Variants in PDE8B observed in about 807,000 individuals in gnomAD.
PDE8B encodes high affinity cAMP-specific and IBMX-insensitive 3',5'-cyclic phosphodiesterase 8B.
PDE8B carries 26 observed loss-of-function variants against 101.3 expected under a neutral mutation model. That is an observed-to-expected ratio of 0.26 (90% confidence interval 0.19 to 0.36). The LOEUF (loss-of-function observed/expected upper bound fraction) is 0.36, where lower values mean the gene tolerates loss of function less well. Among genes scored for constraint, PDE8B ranks in the 10% least tolerant of loss-of-function variants. The pLI, the probability that PDE8B is intolerant of heterozygous loss-of-function variation, is 1.00. For synonymous variants in PDE8B, 424 were observed against 429.3 expected (o/e 0.99, Z 0.15); for missense variants, 810 against 1,163.1 (o/e 0.70, Z 4.42).
chr5:77,407,061 A>G (rs897892953), intron 12 of PDE8B, among the ~76,000 whole-genome samples: 16 of 152,162 alleles, frequency 1.1e-4, no homozygotes, highest in Non-Finnish European at 2.1e-4. Context: ...CTTGGGGGAA[A>G]GTGAGCCGTG....
chr5:77,419,678 G>C, intron 18 of PDE8B, 89 bp from the exon 19 acceptor site: 1 of 1,464,478 alleles, frequency 6.8e-7, no homozygotes, highest in Non-Finnish European at 9.6e-7. Context: ...CTTCCTCCTA[G>C]GTTGTGAGGA....
Position 77,349,552 on chromosome 5 carries a change from A to G in PDE8B, c.1010A>G (p.Lys337Arg). ...GACACCATCAATACATGCATCAAGAAGGGAAAGGTGGGTTACACCAGCAAA... is the reference window on the plus strand; with the variant it reads ...GACACCATCAATACATGCATCAAGAGGGGAAAGGTGGGTTACACCAGCAAA... ...LLDTINTCIK[K>R]GKEWQGVYYA... is the part of the protein sequence containing the mutation. The change falls in exon 8 of 22, where the codon AAG becomes AGG. Residue 337 changes from lysine to arginine, a missense_variant. Around this residue, in one of 4 missense-constraint regions of PDE8B, gnomAD observed 251 missense variants for 378.8 expected, o/e 0.66. Coordinates refer to ENST00000264917, the MANE Select transcript of PDE8B (RefSeq NM_003719.5). The G allele has an allele frequency of 6.2e-7, 1 of 1,614,188 alleles. No homozygotes were observed. The highest frequency in any genetic ancestry group is 8.5e-7 in the Non-Finnish European group (1 of 1,180,018).
At chr5:77,406,961 C>G (rs967336868) in intron 12 of PDE8B, among the ~76,000 whole-genome samples, 8 of 152,182 alleles carry the variant, frequency 5.3e-5, no homozygotes, top group African/African-American at 1.2e-4. Flanking sequence ...GAACTGCCTC[C>G]CCTCTCAAGC....
the PDE8B span, among the ~76,000 whole-genome samples, chr5:77,160,431 A>G: frequency 6.6e-6 from 1 of 152,084 alleles, no homozygotes; most frequent in Non-Finnish European, 1.5e-5. Context: ...TTTTCAATCT[A>G]TGGTTGGAAA....
At chr5:77,370,786 G>A (rs1366347287) in intron 10 of PDE8B, among the ~76,000 whole-genome samples, 2 of 152,200 alleles carry the variant, frequency 1.3e-5, no homozygotes, top group Admixed American at 1.3e-4. Context: ...CAATGTATGA[G>A]GGATTCAGTT....
chr5:77,124,257 G>A, the PDE8B span, among the ~76,000 whole-genome samples: 1 of 152,146 alleles, frequency 6.6e-6, no homozygotes, highest in African/African-American at 2.4e-5. Context: ...AAACAACAGA[G>A]ACTATGGAAT....
intron 20 of PDE8B, among the ~76,000 whole-genome samples, chr5:77,424,097 A>G (rs949728053): frequency 3.9e-5 from 6 of 152,216 alleles, no homozygotes; most frequent in African/African-American, 1.4e-4. Flanking sequence ...AGAGAAGAAC[A>G]GGAAGGGAGT....
At chr5:77,240,536 A>T (rs777013262) in intron 1 of PDE8B, among the ~76,000 whole-genome samples, 1 of 152,240 alleles carries the variant, frequency 6.6e-6, no homozygotes, top group Non-Finnish European at 1.5e-5. Flanking sequence ...AAGAAAGTAG[A>T]AACCATAAGA....
chr5:77,149,708 C>G, the PDE8B span, among the ~76,000 whole-genome samples: 2 of 152,082 alleles, frequency 1.3e-5, no homozygotes, highest in Admixed American at 1.3e-4. Flanking sequence ...ATCTTAGATC[C>G]TGCAGCTTTG....
chr5:77,177,503 C>T, the PDE8B span, among the ~76,000 whole-genome samples: 332 of 152,320 alleles, frequency 2.2e-3, 1 homozygote, highest in African/African-American at 4.4e-3. Context: ...AATATCTTAG[C>T]GTACTGTAGG....
the PDE8B span, among the ~76,000 whole-genome samples, chr5:77,097,538 G>C: frequency 1.3e-5 from 2 of 150,380 alleles, no homozygotes; most frequent in Non-Finnish European, 3.0e-5. Flanking sequence ...TGTGGACACA[G>C]ACCCATAAAT....
chr5:77,286,651 C>T (rs111947417), intron 1 of PDE8B, among the ~76,000 whole-genome samples: 32 of 152,256 alleles, frequency 2.1e-4, no homozygotes, highest in Admixed American at 6.5e-4. Context: ...GGAATTTACT[C>T]GTTCTTACTG....
At chr5:77,247,748 G>A (rs1225623217) in intron 1 of PDE8B, among the ~76,000 whole-genome samples, 2 of 152,102 alleles carry the variant, frequency 1.3e-5, no homozygotes, top group African/African-American at 2.4e-5. Flanking sequence ...CTCCCTGAGG[G>A]CCAGTGTTCT....
At chr5:77,121,845 A>C in the PDE8B span, among the ~76,000 whole-genome samples, 1 of 152,170 alleles carries the variant, frequency 6.6e-6, no homozygotes, top group African/African-American at 2.4e-5. Flanking sequence ...AAAGAAGTTG[A>C]GAACATGTTT....
chr5:77,345,148 C>A lies in PDE8B; in HGVS notation c.876+217C>A, dbSNP rs1561557876. 3.3e-5 allele frequency among the ~76,000 whole-genome samples: 5 copies of A among 152,126 alleles called. No homozygotes were observed. The South Asian group carries it at 6.2e-4, about 19-fold the overall frequency. The stretch of plus-strand genomic sequence containing the variant: ...TACTTCAGATCAGAACCTGCAATTT[C>A]TTTGACAGAAATGGGGTTTAAAAAA... On this transcript the variant is annotated intron_variant, in intron 7 of 21. Coordinates refer to ENST00000264917, the MANE Select transcript of PDE8B (RefSeq NM_003719.5).
rs910753442 is a variant in PDE8B at position 77,318,453 on chromosome 5, C to T, written c.399+6400C>T. 2.0e-5 allele frequency among the ~76,000 whole-genome samples: 3 copies of T among 152,298 alleles called. No individual in the cohort carries two copies. In the South Asian group the frequency reaches 6.2e-4, roughly 32 times the overall value. On this transcript the variant is annotated intron_variant, in intron 2 of 21. Coordinates refer to ENST00000264917, the MANE Select transcript of PDE8B (RefSeq NM_003719.5). ...AAAGGCCCTGGGGTCAGGCCAGCCT[C>T]GGTTCACATCTTGCTGGCAGTGCAG...
At chr5:77,276,417 C>A (rs1244612507) in intron 1 of PDE8B, among the ~76,000 whole-genome samples, 1 of 152,216 alleles carries the variant, frequency 6.6e-6, no homozygotes, top group Non-Finnish European at 1.5e-5. Flanking sequence ...TTCCTATTAT[C>A]TGATTTATTT....
At chr5:77,150,681 C>T in the PDE8B span, among the ~76,000 whole-genome samples, 1 of 152,116 alleles carries the variant, frequency 6.6e-6, no homozygotes, top group Non-Finnish European at 1.5e-5. Flanking sequence ...CTTTAAATAC[C>T]TGCAAAGTAA....
At chr5:77,087,673 TTACTGTGG>T in the PDE8B span, 1 of 152,202 alleles carries the variant, frequency 6.6e-6, no homozygotes, top group African/African-American at 2.4e-5. Context: ...CTCAAGCGAA[TTACTGTGG>T]CTGCAGGGAG....
Sources: allele counts gnomAD v4.1 joint callset (sites outside exome capture counted in the v4.1 genomes callset), GRCh38; gene constraint gnomAD v4.1.1; regional missense constraint gnomAD v4.1.1; transcripts MANE v1.5; gene names NCBI Gene and HGNC (gene_info 2026-07-23, HGNC 2026-07-21).